Variants in HERC1 observed in about 807,000 individuals in gnomAD.
HERC1 encodes probable E3 ubiquitin-protein ligase HERC1.
A neutral mutation model predicts 554.3 loss-of-function variants in HERC1; 160 were observed. The ratio of observed to expected loss-of-function variants is 0.29; its 90% CI spans 0.25 to 0.33. The LOEUF (loss-of-function observed/expected upper bound fraction) is 0.33. Among genes scored for constraint, HERC1 ranks in the 10% least tolerant of loss-of-function variants. The pLI is 1.00. For synonymous variants in HERC1, 2,175 were observed against 2,131.7 expected (o/e 1.02, Z -0.56); for missense variants, 4,919 against 5,918.5 (o/e 0.83, Z 5.54).
chr15:63,648,484 T>G (rs372520163), intron 54 of HERC1, among the ~76,000 whole-genome samples: 2 of 152,362 alleles, frequency 1.3e-5, no homozygotes, highest in East Asian at 3.9e-4. Context: ...ATTCCTTTGC[T>G]GATTGTAAGT....
In HERC1 at chr15:63,636,265, T is replaced by C. The variant is rs1300762034; in HGVS notation, c.12233-123A>G. ...ATTGGTACTATGAAAATAAGAATAA[T>C]TTCATTAGTTTTTTTTTTTTTTTTA... On this transcript the variant is annotated intron_variant, in intron 64 of 77. Transcript: ENST00000443617. 6 of 806,598 alleles carry C rather than the reference T, an allele frequency of 7.4e-6. No homozygotes were observed. In the East Asian group the frequency reaches 1.7e-4, roughly 23 times the overall value. 50.0% of individuals were successfully genotyped at this position (806,598 alleles called of 1,614,324 possible).
chr15:63,747,897 A>C, intron 10 of HERC1, 39 bp from the exon 11 acceptor site: 1 of 1,508,214 alleles, frequency 6.6e-7, no homozygotes, highest in Non-Finnish European at 8.9e-7. Context: ...ACAGTCTTAA[A>C]ATGAAATTTT....
rs1319506576 is a variant in HERC1 at position 63,663,025 on chromosome 15, G to A, written c.8860C>T (p.Leu2954=). Residue 2954 remains leucine, a synonymous_variant, in exon 44 of 78, where the codon CTG becomes TTG. Coordinates refer to ENST00000443617, the MANE Select transcript of HERC1 (RefSeq NM_003922.4). ...AGTACCTCTGGGATCCACATTCCCA[G>A]AATATCATTGTCACTGGTCAGGTCT... ...GQDLTSDNDI[L]GMWIPEVLDW... is the part of the protein sequence containing the mutation. 4 of 1,613,852 alleles carry A rather than the reference G, an allele frequency of 2.5e-6. No homozygotes were observed. Among genetic ancestry groups the A allele is most frequent in the Non-Finnish European group, 2.5e-6 (3 of 1,179,880 alleles).
At position 63,659,863 on chromosome 15, in the gene HERC1, T is replaced by C. The variant is rs565132812; in HGVS notation, c.9297A>G (p.Gly3099=). ...TGCGCCGGTCATTTAAACCAAGCGG[T>C]CCAGCAAGTAATTCAAATTCTTCTT... ...TGEEEFELLA[G]PLGLNDRRIV... The change falls in exon 47 of 78, where the codon GGA becomes GGG. Residue 3099 remains glycine, a synonymous_variant. Transcript: ENST00000443617. 1.2e-6 allele frequency: 2 copies of C among 1,613,880 alleles called. No homozygotes were observed. Among genetic ancestry groups the C allele is most frequent in the Non-Finnish European group, 1.7e-6 (2 of 1,179,820 alleles).
intron 39 of HERC1, among the ~76,000 whole-genome samples, chr15:63,671,136 G>A (rs1263311661): frequency 2.7e-5 from 4 of 150,762 alleles, no homozygotes; most frequent in African/African-American, 4.9e-5. Context: ...TCAGGAGGCT[G>A]AGGTTACGGT....
At chr15:63,786,930 T>A (rs1035578775) in intron 1 of HERC1, among the ~76,000 whole-genome samples, 2 of 150,448 alleles carry the variant, frequency 1.3e-5, no homozygotes, top group Non-Finnish European at 3.0e-5. Context: ...ATTTTTTTTT[T>A]TTTTATTTTT....
Position 63,634,748 on chromosome 15 carries a change from T to C in HERC1, c.12555A>G (p.Gly4185=), listed in dbSNP as rs764298552. The change falls in exon 66 of 78, where the codon GGA becomes GGG. Residue 4185 remains glycine (G), a synonymous_variant. Transcript: ENST00000443617. ...KLPERVTALE[G]YQIGQVACGL... Reference sequence around the variant, plus strand: ...TATTCCATGCCTGTCCAATCTGATATCCCTCCAGTGCAGTCACTCTCTCTG... The same window carrying C: ...TATTCCATGCCTGTCCAATCTGATACCCCTCCAGTGCAGTCACTCTCTCTG... 1.9e-6 allele frequency: 3 copies of C among 1,612,704 alleles called. No homozygotes were observed. Among genetic ancestry groups the C allele is most frequent in the Non-Finnish European group, 2.5e-6 (3 of 1,179,206 alleles).
chr15:63,831,891 G>C (rs2078168796), intron 1 of HERC1, among the ~76,000 whole-genome samples: 1 of 152,182 alleles, frequency 6.6e-6, no homozygotes, highest in South Asian at 2.1e-4. Context: ...CAGGGTGCCT[G>C]CATTGGAAAT....
At chr15:63,827,876 A>C (rs2077995663) in intron 1 of HERC1, among the ~76,000 whole-genome samples, 2 of 152,230 alleles carry the variant, frequency 1.3e-5, no homozygotes, top group South Asian at 2.1e-4. Context: ...AAGTGAAAGA[A>C]GCCAGGCACA....
At chr15:63,816,150 TAAG>T (rs1164619457) in intron 1 of HERC1, among the ~76,000 whole-genome samples, 1 of 152,158 alleles carries the variant, frequency 6.6e-6, no homozygotes, top group African/African-American at 2.4e-5. Flanking sequence ...CAAGATGTTA[TAAG>T]GAGGAAAAAA....
At position 63,783,367 on chromosome 15, in the gene HERC1, A is replaced by C. The variant is rs751527113; in HGVS notation, c.-26-7718T>G. Among the ~76,000 whole-genome samples the C allele has an allele frequency of 6.7e-4, 102 of 152,196 alleles. 2 individuals carry two copies. Among genetic ancestry groups the C allele is most frequent in the South Asian group, 4.1e-4 (2 of 4,832 alleles). ...AAGACCCTCCATGAGCAAAAAGATT[A>C]CAACTCTTTGAAGGATCAGAGGACT... On this transcript the variant is annotated intron_variant, in intron 1 of 77. Coordinates refer to ENST00000443617, the MANE Select transcript of HERC1 (RefSeq NM_003922.4).
At chr15:63,827,995 T>C (rs1464815539) in intron 1 of HERC1, among the ~76,000 whole-genome samples, 1 of 152,222 alleles carries the variant, frequency 6.6e-6, no homozygotes, top group African/African-American at 2.4e-5. Context: ...TGCTAATGGA[T>C]ACACAGTTTC....
At chr15:63,787,552 G>A (rs1188885949) in intron 1 of HERC1, among the ~76,000 whole-genome samples, 1 of 152,064 alleles carries the variant, frequency 6.6e-6, no homozygotes, top group African/African-American at 2.4e-5. Flanking sequence ...AACCAATGGT[G>A]GGCAACAAAT....
At chr15:63,658,945 G>A (rs1329174163) in intron 47 of HERC1, among the ~76,000 whole-genome samples, 1 of 152,120 alleles carries the variant, frequency 6.6e-6, no homozygotes, top group African/African-American at 2.4e-5. Flanking sequence ...ATTTACCATA[G>A]GAGTATTTAT....
intron 1 of HERC1, among the ~76,000 whole-genome samples, chr15:63,819,037 GC>G: frequency 6.6e-6 from 1 of 152,058 alleles, no homozygotes; most frequent in Middle Eastern, 3.2e-3. Context: ...AGCCATCTTG[GC>G]CCATTCGTAA....
chr15:63,737,506 CTTTTT>C lies in HERC1; in HGVS notation c.2521-2662_2521-2658del, dbSNP rs1567069901. Among the ~76,000 whole-genome samples the C allele has an allele frequency of 2.8e-3, 138 of 49,088 alleles. 16 individuals carry two copies. Among genetic ancestry groups the C allele is most frequent in the African/African-American group, 8.5e-3 (134 of 15,678 alleles). 32.2% of individuals were successfully genotyped at this position (49,088 alleles called of 152,430 possible). A position where few individuals can be genotyped will look rare whatever the true frequency, so the allele number is the denominator to read the frequency against. ...GATATATATATATACATATATATAT[CTTTTT>C]TCCAGATATATATATATATATATAT... On this transcript the variant is annotated intron_variant, in intron 12 of 77. Coordinates refer to ENST00000443617, the MANE Select transcript of HERC1 (RefSeq NM_003922.4).
At chr15:63,816,475 A>G (rs1417756868) in intron 1 of HERC1, among the ~76,000 whole-genome samples, 1 of 152,228 alleles carries the variant, frequency 6.6e-6, no homozygotes, top group African/African-American at 2.4e-5. Flanking sequence ...GAAACTAGTA[A>G]CTACTGCCCT....
intron 1 of HERC1, among the ~76,000 whole-genome samples, chr15:63,801,113 CA>C (rs1428176314): frequency 6.6e-6 from 1 of 152,180 alleles, no homozygotes; most frequent in African/African-American, 2.4e-5. Flanking sequence ...ATAGAAACTC[CA>C]TGCCCCTACC....
intron 50 of HERC1, among the ~76,000 whole-genome samples, chr15:63,655,245 T>G (rs894075339): frequency 2.0e-5 from 3 of 152,126 alleles, no homozygotes; most frequent in Non-Finnish European, 4.4e-5. Flanking sequence ...TCCCAGCTAC[T>G]TGGGAGGCTG....
Sources: allele counts gnomAD v4.1 joint callset (sites outside exome capture counted in the v4.1 genomes callset), GRCh38; gene constraint gnomAD v4.1.1; transcripts MANE v1.5; gene names NCBI Gene and HGNC (gene_info 2026-07-23, HGNC 2026-07-21).